Variants in PLCB1 observed in about 807,000 individuals in gnomAD.
The protein encoded by PLCB1 is 1-phosphatidylinositol 4,5-bisphosphate phosphodiesterase beta-1.
In PLCB1, 46 loss-of-function variants were observed where a neutral mutation model predicts 161.8. The ratio of observed to expected loss-of-function variants is 0.28; its 90% CI spans 0.22 to 0.36. PLCB1 has a LOEUF of 0.36. Among genes scored for constraint, PLCB1 ranks in the 10% least tolerant of loss-of-function variants. The pLI is 1.00. For synonymous variants in PLCB1, 517 were observed against 503.7 expected (o/e 1.03, Z -0.35); for missense variants, 1,016 against 1,472.5 (o/e 0.69, Z 5.07).
At chr20:8,414,012 T>G (rs1308888271) in intron 3 of PLCB1, among the ~76,000 whole-genome samples, 1 of 152,142 alleles carries the variant, frequency 6.6e-6, no homozygotes. Flanking sequence ...TCTAACAGAT[T>G]AACTGAGAAG....
intron 3 of PLCB1, among the ~76,000 whole-genome samples, chr20:8,474,666 G>T (rs954793168): frequency 6.6e-6 from 1 of 152,150 alleles, no homozygotes; most frequent in Non-Finnish European, 1.5e-5. Flanking sequence ...AGCACCAGAA[G>T]TGTAATGCTG....
chr20:8,362,814 G>A (rs1483105982), intron 2 of PLCB1, among the ~76,000 whole-genome samples: 2 of 152,014 alleles, frequency 1.3e-5, no homozygotes, highest in Non-Finnish European at 2.9e-5. Flanking sequence ...AGACTTAAGT[G>A]GTTTTCTTTC....
At chr20:8,641,687 A>G (rs904781768) in intron 4 of PLCB1, among the ~76,000 whole-genome samples, 1 of 152,200 alleles carries the variant, frequency 6.6e-6, no homozygotes, top group African/African-American at 2.4e-5. Flanking sequence ...CATTCTTGTT[A>G]CTGAAAATGG....
chr20:8,312,005 T>C (rs1480523352), intron 2 of PLCB1, among the ~76,000 whole-genome samples: 1 of 152,186 alleles, frequency 6.6e-6, no homozygotes, highest in African/African-American at 2.4e-5. Flanking sequence ...GCTCAACCTC[T>C]AAGTCCATGC....
chr20:8,463,985 C>T (rs947114596), intron 3 of PLCB1, among the ~76,000 whole-genome samples: 4 of 151,946 alleles, frequency 2.6e-5, no homozygotes, highest in Admixed American at 6.6e-5. Context: ...GAAATCCTCC[C>T]GGGAGTATTG....
intron 19 of PLCB1, among the ~76,000 whole-genome samples, chr20:8,734,633 T>C (rs1648218995): frequency 1.3e-5 from 2 of 152,042 alleles, no homozygotes; most frequent in Non-Finnish European, 2.9e-5. Context: ...GTCTTTGAAA[T>C]TGATTTTATA....
intron 3 of PLCB1, among the ~76,000 whole-genome samples, chr20:8,574,758 C>T (rs972148871): frequency 6.6e-6 from 1 of 152,198 alleles, no homozygotes; most frequent in Non-Finnish European, 1.5e-5. Context: ...ATTTATCCAC[C>T]AACTTTCTTG....
At chr20:8,446,608 G>A (rs1980842767) in intron 3 of PLCB1, among the ~76,000 whole-genome samples, 1 of 152,148 alleles carries the variant, frequency 6.6e-6, no homozygotes, top group African/African-American at 2.4e-5. Flanking sequence ...AGGAAAAGAG[G>A]GAGTCAAATC....
chr20:8,741,612 T>A, intron 23 of PLCB1, 39 bp downstream of exon 23: 1 of 1,305,082 alleles, frequency 7.7e-7, no homozygotes, highest in Non-Finnish European at 1.1e-6. Context: ...GCATTAAGCA[T>A]GATCACCACA....
chr20:8,281,228 G>A (rs539292257), intron 2 of PLCB1, among the ~76,000 whole-genome samples: 1 of 152,140 alleles, frequency 6.6e-6, no homozygotes, highest in East Asian at 1.9e-4. Flanking sequence ...AACATTTGCA[G>A]TTGGCAAATA....
intron 3 of PLCB1, among the ~76,000 whole-genome samples, chr20:8,550,595 G>C (rs747482892): frequency 6.6e-6 from 1 of 152,024 alleles, no homozygotes; most frequent in Non-Finnish European, 1.5e-5. Context: ...TAAATTGCCC[G>C]ATCTCAGGTA....
intron 3 of PLCB1, among the ~76,000 whole-genome samples, chr20:8,409,444 T>TTATTATTA (rs34324742): frequency 3.0e-4 from 44 of 147,332 alleles, no homozygotes; most frequent in South Asian, 4.2e-4. Context: ...GTATATTATT[T>TTATTATTA]TTATTATTAT....
chr20:8,876,188 A>G (rs1568633547), intron 31 of PLCB1, among the ~76,000 whole-genome samples: 1 of 152,180 alleles, frequency 6.6e-6, no homozygotes, highest in East Asian at 1.9e-4. Context: ...GCCTATAATA[A>G]AACAAACTCT....
At chr20:8,159,711 G>T (rs537301001) in intron 2 of PLCB1, among the ~76,000 whole-genome samples, 1 of 152,118 alleles carries the variant, frequency 6.6e-6, no homozygotes, top group South Asian at 2.1e-4. Flanking sequence ...CACCAGGCCG[G>T]GCGTGGTGGC....
At chr20:8,230,056 CAAAAAAAA>C (rs547874616) in intron 2 of PLCB1, among the ~76,000 whole-genome samples, 5 of 58,878 alleles carry the variant, frequency 8.5e-5, no homozygotes, top group African/African-American at 1.8e-4. Context: ...GACTTGGCAG[CAAAAAAAA>C]AAAAAAAAAA....
chr20:8,811,476 A>T (rs1162998276), intron 31 of PLCB1, among the ~76,000 whole-genome samples: 1 of 152,220 alleles, frequency 6.6e-6, no homozygotes, highest in Non-Finnish European at 1.5e-5. Context: ...AGCAGATTTT[A>T]TATTGAGTTG....
intron 3 of PLCB1, among the ~76,000 whole-genome samples, chr20:8,534,452 G>A (rs74391924): frequency 0.011 from 1,665 of 152,286 alleles, 45 homozygotes; most frequent in African/African-American, 0.038. Flanking sequence ...TAGAGCATTG[G>A]CAGTCACTCC....
chr20:8,762,670 G>A (rs373138808), intron 25 of PLCB1, among the ~76,000 whole-genome samples: 176 of 152,146 alleles, frequency 1.2e-3, no homozygotes, highest in African/African-American at 3.8e-3. Context: ...GTCAATTTGG[G>A]CCTGAAGGAA....
rs377572650 is a variant in PLCB1 at position 8,497,061 on chromosome 20, G to A, written c.246+125611G>A. 2.0e-5 allele frequency among the ~76,000 whole-genome samples: 3 copies of A among 152,168 alleles called. No homozygotes were observed. The East Asian group carries it at 5.8e-4, about 29-fold the overall frequency. On this transcript the variant is annotated intron_variant, in intron 3 of 31. Transcript: ENST00000338037. The stretch of plus-strand genomic sequence containing the variant: ...TAAAATTTTAAGACTGTTACGATTA[G>A]AGTGAATGTCAGTGATATATGTGTC...
Sources: allele counts gnomAD v4.1 joint callset (sites outside exome capture counted in the v4.1 genomes callset), GRCh38; gene constraint gnomAD v4.1.1; transcripts MANE v1.5; gene names NCBI Gene and HGNC (gene_info 2026-07-23, HGNC 2026-07-21).